The following ZNF529 variants were observed in gnomAD, a reference collection of about 807,000 sequenced individuals.
ZNF529 encodes zinc finger protein 529.
A neutral mutation model predicts 10.1 loss-of-function variants in ZNF529; 11 were observed. The ratio of observed to expected loss-of-function variants is 1.09; its 90% confidence interval spans 0.69 to 1.81. The LOEUF (loss-of-function observed/expected upper bound fraction) is 1.81. ZNF529 is among the 40% of genes most tolerant of loss of function. The pLI, the probability that ZNF529 is intolerant of heterozygous loss-of-function variation, is 0.00. For synonymous variants in ZNF529, 204 were observed against 215.7 expected, an observed-to-expected ratio of 0.95 and a Z score of 0.47; for missense variants, 624 against 666.8, an observed-to-expected ratio of 0.94 and a Z score of 0.71.
upstream of ZNF529, among the ~76,000 whole-genome samples, chr19:36,576,782 A>G (rs2036329457): frequency 6.6e-6 from 1 of 151,858 alleles, no homozygotes; most frequent in South Asian, 2.1e-4. Context: ...CACTCCTATA[A>G]ACAGAAACAT....
intron 2 of ZNF529, among the ~76,000 whole-genome samples, chr19:36,557,424 A>G (rs1445425206): frequency 6.6e-6 from 1 of 152,176 alleles, no homozygotes; most frequent in Non-Finnish European, 1.5e-5. Context: ...GAAACTTACA[A>G]TCATGGCAGA....
At chr19:36,551,349 G>A (rs1464703265) in intron 4 of ZNF529, among the ~76,000 whole-genome samples, 2 of 152,114 alleles carry the variant, frequency 1.3e-5, no homozygotes, top group African/African-American at 4.8e-5. Context: ...AAATTCAAAG[G>A]TTAAAGGATA....
chr19:36,577,187 T>C (rs1354724017), upstream of ZNF529: 1 of 453,576 alleles, frequency 2.2e-6, no homozygotes, highest in Non-Finnish European at 4.4e-6. Flanking sequence ...CTGGAACTCC[T>C]GAGCTCAAGC....
intron 2 of ZNF529, among the ~76,000 whole-genome samples, chr19:36,570,360 C>CAAAAAAAAAAAAAAAAAA (rs58429405): frequency 2.8e-4 from 20 of 70,508 alleles, no homozygotes; most frequent in East Asian, 3.8e-4. Flanking sequence ...GACCCTATCT[C>CAAAAAAAAAAAAAAAAAA]AAAAAAAAAA....
intron 4 of ZNF529, among the ~76,000 whole-genome samples, chr19:36,552,779 T>C (rs573458518): frequency 1.3e-5 from 2 of 152,110 alleles, no homozygotes; most frequent in Non-Finnish European, 2.9e-5. Flanking sequence ...TTTTACTAAA[T>C]AAAATCAAAA....
chr19:36,602,935 G>GA (rs36003869), intron 1 of ZNF529, among the ~76,000 whole-genome samples: 94,553 of 136,164 alleles, frequency 0.69, 32,202 homozygotes, highest in South Asian at 0.72. Flanking sequence ...CGTCTCAAAA[G>GA]AAAAAAAAAA....
intron 4 of ZNF529, chr19:36,551,933 A>G (rs2035275415): frequency 6.6e-6 from 1 of 152,204 alleles, no homozygotes; most frequent in Non-Finnish European, 1.5e-5. Context: ...CAGGGTCTGT[A>G]TTGGTCTTGG....
chr19:36,570,551 C>T (rs951464105), intron 2 of ZNF529, among the ~76,000 whole-genome samples: 34 of 152,214 alleles, frequency 2.2e-4, no homozygotes, highest in Non-Finnish European at 2.2e-4. Flanking sequence ...TGGTTTCTCC[C>T]GGTATTTGCC....
chr19:36,576,329 A>G (rs897018633), upstream of ZNF529, among the ~76,000 whole-genome samples: 3 of 152,216 alleles, frequency 2.0e-5, no homozygotes, highest in Admixed American at 6.5e-5. Context: ...TGAAACTTCC[A>G]TGAGACAGGA....
chr19:36,573,378 A>T (rs774129860), upstream of ZNF529: 27 of 462,006 alleles, frequency 5.8e-5, no homozygotes, highest in East Asian at 1.6e-3. Context: ...AAGAGCCCTG[A>T]AGCTCAAGCG....
upstream of ZNF529, chr19:36,573,481 G>C (rs1395325226): frequency 2.1e-6 from 1 of 471,012 alleles, no homozygotes; most frequent in Admixed American, 2.3e-5. Context: ...GCCGCTGCGC[G>C]TCCCCTAGGC....
At chr19:36,594,884 C>CTT (rs11408279) in intron 1 of ZNF529, among the ~76,000 whole-genome samples, 195 of 145,150 alleles carry the variant, frequency 1.3e-3, no homozygotes, top group African/African-American at 4.0e-3. Flanking sequence ...TTTCTTTTTT[C>CTT]TTTTTTTTTT....
At chr19:36,601,326 G>A (rs1181312122) in intron 1 of ZNF529, among the ~76,000 whole-genome samples, 2 of 151,750 alleles carry the variant, frequency 1.3e-5, no homozygotes, top group Non-Finnish European at 2.9e-5. Context: ...GGATGGTCTC[G>A]ATCTCCTGAC....
chr19:36,578,777 T>G (rs2036397949), intron 2 of ZNF529, among the ~76,000 whole-genome samples: 1 of 151,944 alleles, frequency 6.6e-6, no homozygotes, highest in Non-Finnish European at 1.5e-5. Context: ...ATTTTTGTGT[T>G]TTTAGTACAG....
chr19:36,562,347 T>G (rs2035735584), intron 2 of ZNF529, among the ~76,000 whole-genome samples: 1 of 152,188 alleles, frequency 6.6e-6, no homozygotes, highest in Non-Finnish European at 1.5e-5. Flanking sequence ...ATGATTTAGA[T>G]AATACCTAGA....
chr19:36,566,719 A>C (rs969449823), intron 2 of ZNF529, among the ~76,000 whole-genome samples: 2 of 151,920 alleles, frequency 1.3e-5, no homozygotes, highest in Admixed American at 1.3e-4. Flanking sequence ...CCTTGTCTCA[A>C]AAAAATAATA....
chr19:36,602,935 GA>G lies in ZNF529; in HGVS notation c.-128+2190del, dbSNP rs36003869. Among the ~76,000 whole-genome samples, 197 of 136,304 alleles carry G rather than the reference GA, an allele frequency of 1.4e-3. 1 individual carries two copies. The highest frequency in any genetic ancestry group is 7.1e-3 in the South Asian group (31 of 4,348). The allele number at this position is 136,304 out of a possible 152,430, so 89.4% of individuals were successfully genotyped here. On this transcript the variant is annotated intron_variant, in intron 1 of 4. Coordinates refer to the ZNF529 transcript ENST00000585960. ...ACAAAAGTGAAACTCCGTCTCAAAA[GA>G]AAAAAAAAAAAAAACACGTGATGCG... is the stretch of plus-strand genomic sequence containing the variant.
chr19:36,575,832 T>G (rs2036302254), upstream of ZNF529, among the ~76,000 whole-genome samples: 1 of 151,574 alleles, frequency 6.6e-6, no homozygotes, highest in South Asian at 2.1e-4. Context: ...GTTTCACATG[T>G]GTTTTTTTTT....
chr19:36,573,320 A>C (rs2036217859), upstream of ZNF529: 7 of 385,396 alleles, frequency 1.8e-5, no homozygotes, highest in Admixed American at 2.2e-4. Flanking sequence ...CAAAGGTCGA[A>C]GTTCATCCGC....
Sources: allele counts gnomAD v4.1 joint callset (sites outside exome capture counted in the v4.1 genomes callset), GRCh38; gene constraint gnomAD v4.1.1; transcripts MANE v1.5; gene names NCBI Gene and HGNC (gene_info 2026-07-23, HGNC 2026-07-21).